Variants in PPARGC1A observed in about 807,000 individuals in gnomAD.
PPARGC1A encodes the protein PPARG coactivator 1 alpha.
Under a neutral mutation model 88.7 loss-of-function variants are expected in PPARGC1A, and 25 were observed. The ratio of observed to expected loss-of-function variants is 0.28; its 90% CI spans 0.21 to 0.39. The LOEUF (loss-of-function observed/expected upper bound fraction) is 0.39. PPARGC1A is among the 10% of genes least tolerant of loss of function. The pLI, the probability that PPARGC1A is intolerant of heterozygous loss-of-function variation, is 1.00. For missense variants in PPARGC1A, 880 were observed against 968.7 expected (o/e 0.91, Z 1.22); for synonymous variants, 363 against 355.6 (o/e 1.02, Z -0.24).
the PPARGC1A span, among the ~76,000 whole-genome samples, chr4:24,347,821 G>T: frequency 0.16 from 24,858 of 151,900 alleles, 2,164 homozygotes; most frequent in Non-Finnish European, 0.18. Flanking sequence ...CTGTGCTTCG[G>T]TTTTTTTGTT....
At chr4:24,227,198 C>T in the PPARGC1A span, among the ~76,000 whole-genome samples, 1 of 152,032 alleles carries the variant, frequency 6.6e-6, no homozygotes, top group East Asian at 1.9e-4. Context: ...GATTCTCCTG[C>T]CTCAGCTTCC....
chr4:24,010,939 G>A, the PPARGC1A span, among the ~76,000 whole-genome samples: 1 of 152,128 alleles, frequency 6.6e-6, no homozygotes, highest in African/African-American at 2.4e-5. Flanking sequence ...TTTTCACTTG[G>A]CATCATACAG....
At chr4:24,174,770 A>G in the PPARGC1A span, among the ~76,000 whole-genome samples, 4 of 151,638 alleles carry the variant, frequency 2.6e-5, no homozygotes, top group Non-Finnish European at 5.9e-5. Context: ...TCTATCAACA[A>G]CTCCACAGCC....
At chr4:23,884,992 A>G (rs1220839444) in intron 1 of PPARGC1A, 61 bp from the exon 2 acceptor site, 1 of 1,392,578 alleles carries the variant, frequency 7.2e-7, no homozygotes, top group Non-Finnish European at 9.6e-7. Flanking sequence ...AATTTATTAA[A>G]CTGCAATAGC....
upstream of PPARGC1A, among the ~76,000 whole-genome samples, chr4:23,893,454 T>C (rs1277154131): frequency 6.6e-6 from 1 of 152,192 alleles, no homozygotes; most frequent in Non-Finnish European, 1.5e-5. Context: ...AGGATAAATA[T>C]ATTTGTTCAT....
At chr4:24,267,868 A>G in the PPARGC1A span, among the ~76,000 whole-genome samples, 1 of 152,098 alleles carries the variant, frequency 6.6e-6, no homozygotes, top group Non-Finnish European at 1.5e-5. Flanking sequence ...TGTAATTTCC[A>G]TAAGGGCACC....
the PPARGC1A span, among the ~76,000 whole-genome samples, chr4:24,187,429 G>C: frequency 6.6e-6 from 1 of 152,218 alleles, no homozygotes; most frequent in Non-Finnish European, 1.5e-5. Flanking sequence ...ACCATGTTAA[G>C]CTACCTATAA....
At chr4:24,245,143 T>C in the PPARGC1A span, among the ~76,000 whole-genome samples, 1 of 152,246 alleles carries the variant, frequency 6.6e-6, no homozygotes, top group Non-Finnish European at 1.5e-5. Context: ...AACAGGCTGC[T>C]TTTGTGTCTT....
At chr4:24,158,867 A>G in the PPARGC1A span, among the ~76,000 whole-genome samples, 1 of 152,228 alleles carries the variant, frequency 6.6e-6, no homozygotes, top group Non-Finnish European at 1.5e-5. Flanking sequence ...TTAACGTGTT[A>G]TATAACCTAG....
At chr4:24,386,192 C>A in the PPARGC1A span, among the ~76,000 whole-genome samples, 4 of 151,944 alleles carry the variant, frequency 2.6e-5, no homozygotes, top group African/African-American at 7.3e-5. Context: ...AATTCAACAC[C>A]CCTTCATGCT....
the PPARGC1A span, among the ~76,000 whole-genome samples, chr4:24,229,461 T>C: frequency 6.6e-6 from 1 of 151,130 alleles, no homozygotes; most frequent in Non-Finnish European, 1.5e-5. Context: ...TATGGACCTT[T>C]TAAAAGTTCT....
At chr4:24,111,065 C>A in the PPARGC1A span, among the ~76,000 whole-genome samples, 6 of 152,122 alleles carry the variant, frequency 3.9e-5, no homozygotes. Flanking sequence ...GATATTTAAT[C>A]TCTCTTTGTT....
the PPARGC1A span, among the ~76,000 whole-genome samples, chr4:24,083,038 A>G: frequency 6.6e-6 from 1 of 152,178 alleles, no homozygotes; most frequent in African/African-American, 2.4e-5. Flanking sequence ...CATGAGCACA[A>G]CTAGTTGTTC....
intron 12 of PPARGC1A, among the ~76,000 whole-genome samples, chr4:23,800,627 C>A (rs1718492671): frequency 6.6e-6 from 1 of 150,674 alleles, no homozygotes; most frequent in Non-Finnish European, 1.5e-5. Flanking sequence ...TATATAAATT[C>A]AACTGTAAGA....
chr4:23,943,389 T>G, the PPARGC1A span, among the ~76,000 whole-genome samples: 1 of 151,996 alleles, frequency 6.6e-6, no homozygotes, highest in Non-Finnish European at 1.5e-5. Context: ...GGTTTTTTTT[T>G]TTTTTTTTTC....
chr4:24,339,219 T>TACACACAC, the PPARGC1A span, among the ~76,000 whole-genome samples: 2 of 33,088 alleles, frequency 6.0e-5, no homozygotes, highest in Non-Finnish European at 1.6e-4. Flanking sequence ...TGTGTATATA[T>TACACACAC]ATATATATAT....
At chr4:24,401,194 A>G in the PPARGC1A span, among the ~76,000 whole-genome samples, 1 of 150,942 alleles carries the variant, frequency 6.6e-6, no homozygotes, top group African/African-American at 2.4e-5. Flanking sequence ...AATTTTTTGT[A>G]TTTTTAGTAG....
chr4:23,903,671 T>TA (rs1350583827), upstream of PPARGC1A, among the ~76,000 whole-genome samples: 1 of 152,112 alleles, frequency 6.6e-6, no homozygotes, highest in East Asian at 1.9e-4. Context: ...TACACAACTC[T>TA]AAAAATCTTT....
the PPARGC1A span, among the ~76,000 whole-genome samples, chr4:24,135,947 G>A: frequency 6.6e-6 from 1 of 152,136 alleles, no homozygotes; most frequent in Admixed American, 6.5e-5. Flanking sequence ...CCTGCCAAGG[G>A]TAAAAAGTGC....
Sources: gnomAD v4.1 joint callset for allele counts (sites outside exome capture counted in the v4.1 genomes callset) on GRCh38, gnomAD v4.1.1 for gene constraint, MANE v1.5 for transcripts, NCBI Gene and HGNC (gene_info 2026-07-23, HGNC 2026-07-21) for gene names.